Variants in CNTNAP1 observed in about 807,000 individuals in gnomAD.
CNTNAP1 encodes contactin associated protein 1, also known as contactin-associated protein 1.
Under a neutral mutation model 161.5 loss-of-function variants are expected in CNTNAP1, and 80 were observed. That is an observed-to-expected ratio of 0.50 (90% CI 0.41 to 0.60). CNTNAP1 has a LOEUF of 0.60. Ranked by LOEUF, CNTNAP1 falls within the 20% of genes least tolerant of loss-of-function variation. CNTNAP1 has a pLI of 0.00. For synonymous variants in CNTNAP1, 695 were observed against 733.1 expected, an observed-to-expected ratio of 0.95 and a Z score of 0.84; for missense variants, 1,464 against 1,854.8, an observed-to-expected ratio of 0.79 and a Z score of 3.87.
At chr17:42,690,315 G>T in intron 12 of CNTNAP1, 108 bp downstream of exon 12, 1 of 1,358,928 alleles carries the variant, frequency 7.4e-7, no homozygotes, top group South Asian at 1.3e-5. Context: ...GAGGACAGAG[G>T]GGAAGGGCAT....
At chr17:42,698,009 C>T in intron 23 of CNTNAP1, 59 bp downstream of exon 23, 4 of 1,583,998 alleles carry the variant, frequency 2.5e-6, no homozygotes, top group Non-Finnish European at 3.5e-6. Context: ...TGTCAGCATC[C>T]TTTCCCTGCC....
At position 42,685,006 on chromosome 17, in the gene CNTNAP1, G is replaced by T; in HGVS notation, c.379G>T (p.Val127Leu). ...ACCCCCGCAGACCTTCTTTGGTAAC[G>T]TGAACGAGTCGGCGGTGGTGCGCCA... The part of the protein sequence containing the change: ...RGHNSTFFGN[V>L]NESAVVRHDL... The change falls in exon 4 of 24, where the codon GTG becomes TTG. Residue 127 changes from valine (V) to leucine (L), a missense_variant. Val to Leu is a conservative substitution (Grantham distance 32). This residue lies in a region of CNTNAP1 where 1,383 missense variants were observed against 1,765.0 expected (regional missense o/e 0.78). Coordinates refer to ENST00000264638, the MANE Select transcript of CNTNAP1 (RefSeq NM_003632.3). The surrounding 1 kb of genome is among the most constrained non-coding windows in gnomAD (Gnocchi z 5.0). The T allele has an allele frequency of 6.2e-7, 1 of 1,606,900 alleles. No individual in the cohort carries two copies.
intron 23 of CNTNAP1, 83 bp from the exon 24 acceptor site, chr17:42,698,535 G>A (rs561764914): frequency 2.1e-4 from 45 of 212,592 alleles, no homozygotes; most frequent in South Asian, 2.5e-4. Context: ...CAAAGAGTGC[G>A]TGTGTGTGTG....
At chr17:42,689,969 G>A (rs2143660806) in intron 11 of CNTNAP1, 119 bp from the exon 12 acceptor site, 2 of 1,151,186 alleles carry the variant, frequency 1.7e-6, no homozygotes, top group South Asian at 1.4e-5. Flanking sequence ...TCGAACTCCT[G>A]ACCTCGGGTG....
rs1387893290 is a variant in CNTNAP1, at chr17:42,685,320, C to G, written c.615C>G (p.Thr205=). The change falls in exon 5 of 24, where the codon ACC becomes ACG. Residue 205 remains threonine (T), a synonymous_variant. Coordinates refer to ENST00000264638, the MANE Select transcript of CNTNAP1 (RefSeq NM_003632.3). This position sits in a 1 kb window ranked among gnomAD's most constrained non-coding sequence, Gnocchi z 5.0. The part of the protein sequence containing the change: ...LWDVFAFSFK[T]EEKDGLLLHA... ...ACGTGTTCGCCTTCAGCTTCAAGAC[C>G]GAGGAGAAGGACGGTCTTCTGCTGC... 1 of 1,612,704 alleles carries G rather than the reference C, an allele frequency of 6.2e-7. No homozygotes were observed. Among genetic ancestry groups the G allele is most frequent in the Admixed American group, 1.7e-5 (1 of 60,028 alleles).
chr17:42,698,478 T>C (rs1243868013), intron 23 of CNTNAP1, 140 bp from the exon 24 acceptor site: 4 of 630,308 alleles, frequency 6.3e-6, no homozygotes, highest in Admixed American at 2.9e-5. Flanking sequence ...TGTGTGTGTG[T>C]GTGCAGGTGA....
At position 42,699,727 on chromosome 17, in the gene CNTNAP1, T is replaced by C. The variant is rs780706627; in HGVS notation, c.*817T>C. The C allele has an allele frequency of 2.0e-5, 3 of 152,826 alleles. No individual in the cohort carries two copies. The highest frequency in any genetic ancestry group is 2.9e-5 in the Non-Finnish European group (2 of 68,040). 9.5% of individuals were successfully genotyped at this position (152,826 alleles called of 1,614,324 possible). A position where few individuals can be genotyped will look rare whatever the true frequency, so the allele number is the denominator to read the frequency against. ...GGTCATATTCTTTATATATATTTTT[T>C]GTTGCAAAGTGTCTCTCTAGAGAAA... On this transcript the variant is annotated 3_prime_UTR_variant, in exon 24 of 24. Transcript: ENST00000264638.
At chr17:42,697,250 TC>T (rs758627205) in intron 20 of CNTNAP1, 23 bp from the exon 21 acceptor site, 2 of 1,248,136 alleles carry the variant, frequency 1.6e-6, no homozygotes, top group East Asian at 2.4e-5. Flanking sequence ...CTCATCGCCC[TC>T]CCCCTCCCCC....
At chr17:42,688,123 G>A in intron 8 of CNTNAP1, 142 bp downstream of exon 8, 7 of 1,254,832 alleles carry the variant, frequency 5.6e-6, no homozygotes, top group South Asian at 1.5e-5. Context: ...CAGGGTACTG[G>A]GAAAAGGTGG....
At chr17:42,692,450 C>A in intron 16 of CNTNAP1, 49 bp from the exon 17 acceptor site, 1 of 1,494,718 alleles carries the variant, frequency 6.7e-7, no homozygotes, top group Non-Finnish European at 9.3e-7. Context: ...TATGAAGGGT[C>A]TTGTAGGTCT....
chr17:42,697,699 C>T lies in CNTNAP1; in HGVS notation c.3714C>T (p.Ala1238=), dbSNP rs2053169174. ...PRPMTAELAE[A]LRVQGELSES... ...CCATGACTGCTGAGCTAGCTGAGGC[C>T]CTTCGAGTTCAGGGAGAACTGTCCG... is the stretch of plus-strand genomic sequence containing the variant. The change falls in exon 22 of 24, where the codon GCC becomes GCT. Residue 1238 remains alanine, a synonymous_variant. Coordinates refer to ENST00000264638, the MANE Select transcript of CNTNAP1 (RefSeq NM_003632.3). 1 of 1,614,146 alleles carries T rather than the reference C, an allele frequency of 6.2e-7. No individual in the cohort carries two copies. Among genetic ancestry groups the T allele is most frequent in the Non-Finnish European group, 8.5e-7 (1 of 1,180,034 alleles).
Position 42,691,674 on chromosome 17 carries a change from A to G in CNTNAP1, c.2345-132A>G. 1 of 1,338,388 alleles carries G rather than the reference A, an allele frequency of 7.5e-7. No individual in the cohort carries two copies. The highest frequency in any genetic ancestry group is 1.0e-6 in the Non-Finnish European group (1 of 958,630). 82.9% of individuals were successfully genotyped at this position (1,338,388 alleles called of 1,614,324 possible). A position where few individuals can be genotyped will look rare whatever the true frequency, so the allele number is the denominator to read the frequency against. ...CTGCACCTGGCTCCTCTTTCATTCC[A>G]CTCCTTAGTCTCCCCTCCGTCACCT... is the stretch of plus-strand genomic sequence containing the variant. On this transcript the variant is annotated intron_variant, in intron 15 of 23. Coordinates refer to ENST00000264638, the MANE Select transcript of CNTNAP1 (RefSeq NM_003632.3). The surrounding 1 kb of genome is among the most constrained non-coding windows in gnomAD (Gnocchi z 4.3).
rs1391078489 is a variant in CNTNAP1, at chr17:42,693,431, C to T, written c.2887C>T (p.His963Tyr). The T allele has an allele frequency of 6.2e-7, 1 of 1,614,238 alleles. No individual in the cohort carries two copies. The highest frequency in any genetic ancestry group is 2.2e-5 in the East Asian group (1 of 44,876). Residue 963 changes from histidine (H) to tyrosine (Y), a missense_variant, in exon 18 of 24, where the codon CAC becomes TAC. Physicochemically the swap from His to Tyr is moderately conservative, Grantham distance 83 (BLOSUM62 2). This residue lies in a region of CNTNAP1 where 1,383 missense variants were observed against 1,765.0 expected (regional missense o/e 0.78). Coordinates refer to ENST00000264638, the MANE Select transcript of CNTNAP1 (RefSeq NM_003632.3). ...TSPNCTGHCAHPRLPCFHGGR... is the reference protein window; with the variant it reads ...TSPNCTGHCAYPRLPCFHGGR... ...ACCCAACTGCACAGGCCACTGTGCCCACCCTCGGCTCCCCTGTTTCCATGG... is the reference window on the plus strand; with the variant it reads ...ACCCAACTGCACAGGCCACTGTGCCTACCCTCGGCTCCCCTGTTTCCATGG...
Position 42,690,744 on chromosome 17 carries a change from C to A in CNTNAP1, c.1861C>A (p.Arg621=), listed in dbSNP as rs1553469. 109,397 of 1,613,400 alleles carry A rather than the reference C, an allele frequency of 0.068. 4,225 individuals are homozygous for A. Among genetic ancestry groups the A allele is most frequent in the Admixed American group, 0.14 (8,142 of 59,980 alleles). ...FVVYCDIREN[R]AWTVVRHDRL... The stretch of plus-strand genomic sequence containing the variant: ...TGTCCCCTCTTGTCTGCCAGAGAAC[C>A]GAGCGTGGACAGTTGTGCGGCATGA... Residue 621 remains arginine, a synonymous_variant, in exon 13 of 24, where the codon CGA becomes AGA. Transcript: ENST00000264638.
rs752362508 is a variant in CNTNAP1, at chr17:42,691,461, C to G, written c.2294C>G (p.Ser765Cys). The G allele has an allele frequency of 6.2e-7, 1 of 1,614,094 alleles. No homozygotes were observed. ...GTAGTGATAGGGGATACGAACCGCT[C>G]CACTTCTGAGGCCCAGTTCTTCCTG... ...TQVVIGDTNR[S>C]TSEAQFFLRP... Residue 765 changes from serine (S) to cysteine (C), a missense_variant, in exon 15 of 24, where the codon TCC becomes TGC. Coordinates refer to ENST00000264638, the MANE Select transcript of CNTNAP1 (RefSeq NM_003632.3). This position sits in a 1 kb window ranked among gnomAD's most constrained non-coding sequence, Gnocchi z 4.3.
In CNTNAP1 at chr17:42,689,633, C is replaced by T; in HGVS notation, c.1735+6C>T. On this transcript the variant is annotated splice_donor_region_variant and intron_variant, in intron 11 of 23. Transcript: ENST00000264638. ...GGGAGAGACCTGCCACACACGTAAG[C>T]CAGATGTGGTATGGGGGGAGTCAGG... The T allele has an allele frequency of 6.2e-7, 1 of 1,611,074 alleles. No homozygotes were observed. The highest frequency in any genetic ancestry group is 2.2e-5 in the East Asian group (1 of 44,844).
Position 42,698,627 on chromosome 17 carries a change from C to G in CNTNAP1, c.3872C>G (p.Ala1291Gly), listed in dbSNP as rs774627571. 6 of 1,595,310 alleles carry G rather than the reference C, an allele frequency of 3.8e-6. No homozygotes were observed. The African/African-American group carries it at 6.7e-5, about 18-fold the overall frequency. Reference sequence around the variant, plus strand: ...CTTTTCTTCTTTTCAGTTTTGGTGGCCTTTCTGCTGCTGGGGCTGGTGGGA... The same window carrying G: ...CTTTTCTTCTTTTCAGTTTTGGTGGGCTTTCTGCTGCTGGGGCTGGTGGGA... Reference protein sequence around the residue: ...WVAILLGFLVAFLLLGLVGML... With the variant: ...WVAILLGFLVGFLLLGLVGML... The change falls in exon 24 of 24, where the codon GCC becomes GGC. Residue 1291 changes from alanine (A) to glycine (G), a missense_variant. Physicochemically the swap from Ala to Gly is moderately conservative, Grantham distance 60. This residue lies in a region of CNTNAP1 where 1,383 missense variants were observed against 1,765.0 expected (regional missense o/e 0.78). Transcript: ENST00000264638.
intron 20 of CNTNAP1, among the ~76,000 whole-genome samples, chr17:42,696,832 G>C (rs968221005): frequency 1.3e-5 from 2 of 151,990 alleles, no homozygotes; most frequent in African/African-American, 4.8e-5. Context: ...TTTACCCAAA[G>C]TCAAACCGCT....
At position 42,687,179 on chromosome 17, in the gene CNTNAP1, G is replaced by C; in HGVS notation, c.1044+133G>C. The C allele has an allele frequency of 7.5e-7, 1 of 1,327,836 alleles. No homozygotes were observed. The highest frequency in any genetic ancestry group is 1.0e-6 in the Non-Finnish European group (1 of 978,494). The allele number at this position is 1,327,836 out of a possible 1,614,324, so 82.3% of individuals were successfully genotyped here. On this transcript the variant is annotated intron_variant, in intron 7 of 23. Transcript: ENST00000264638. This position sits in a 1 kb window ranked among gnomAD's most constrained non-coding sequence, Gnocchi z 4.7. The stretch of plus-strand genomic sequence containing the variant: ...CTGTCCCCAGCCAGATGCTCAAGTT[G>C]GGAGGGGAGCGGGTCTCACCTGAGG...
Sources: gnomAD v4.1 joint callset for allele counts (sites outside exome capture counted in the v4.1 genomes callset) on GRCh38, gnomAD v4.1.1 for gene constraint, gnomAD v4.1.1 regional missense constraint, Gnocchi (gnomAD v3.1) non-coding constraint, MANE v1.5 for transcripts, NCBI Gene and HGNC (gene_info 2026-07-23, HGNC 2026-07-21) for gene names.